Variants in ANKH observed in about 807,000 individuals in gnomAD.
ANKH encodes ANKH inorganic pyrophosphate transport regulator.
A neutral mutation model predicts 49.0 loss-of-function variants in ANKH; 15 were observed. That is an observed-to-expected ratio of 0.31 (90% CI 0.20 to 0.47). The LOEUF is 0.47. Among genes scored for constraint, ANKH ranks in the 20% least tolerant of loss-of-function variants. The pLI is 1.00. For synonymous variants in ANKH, 273 were observed against 260.0 expected (o/e 1.05, Z -0.48); for missense variants, 429 against 652.0 (o/e 0.66, Z 3.72).
chr5:14,713,713 TC>T lies in ANKH; in HGVS notation c.1142-47del. 1 of 1,611,848 alleles carries T rather than the reference TC, an allele frequency of 6.2e-7. No homozygotes were observed. The highest frequency in any genetic ancestry group is 8.5e-7 in the Non-Finnish European group (1 of 1,179,748). On this transcript the variant is annotated intron_variant, in intron 9 of 11. Transcript: ENST00000284268. This position sits in a 1 kb window ranked among gnomAD's most constrained non-coding sequence, Gnocchi z 4.4. ...CTCGTCAGCCGTGCCCGCCATCCACTCCCCATCCTGCTGCCTCTGGACCAGG... is the reference window on the plus strand; with the variant it reads ...CTCGTCAGCCGTGCCCGCCATCCACTCCCATCCTGCTGCCTCTGGACCAGG...
chr5:14,758,011 G>A (rs903298575), intron 3 of ANKH, among the ~76,000 whole-genome samples: 1 of 152,176 alleles, frequency 6.6e-6, no homozygotes, highest in Non-Finnish European at 1.5e-5. Flanking sequence ...GAACCCAAAG[G>A]TGGAAGCAAC....
intron 1 of ANKH, among the ~76,000 whole-genome samples, chr5:14,774,891 AAT>A (rs2126520553): frequency 1.5e-5 from 1 of 68,298 alleles, no homozygotes; most frequent in African/African-American, 4.6e-5. Flanking sequence ...ATACAAATAG[AAT>A]AAACATTTAC....
At chr5:14,821,174 A>T (rs1282203568) in intron 1 of ANKH, among the ~76,000 whole-genome samples, 1 of 152,186 alleles carries the variant, frequency 6.6e-6, no homozygotes, top group African/African-American at 2.4e-5. Flanking sequence ...CATATAAATG[A>T]TACATGTGTG....
At chr5:14,727,821 T>C (rs1427390159) in intron 8 of ANKH, among the ~76,000 whole-genome samples, 1 of 152,164 alleles carries the variant, frequency 6.6e-6, no homozygotes, top group Admixed American at 6.5e-5. Context: ...TGGACTTCAC[T>C]GTCCCTTTAA....
At chr5:14,742,465 C>T (rs1163775257) in intron 7 of ANKH, among the ~76,000 whole-genome samples, 2 of 152,246 alleles carry the variant, frequency 1.3e-5, no homozygotes, top group South Asian at 2.1e-4. Context: ...CCCTGACACA[C>T]CTGGTGCTTT....
chr5:14,765,497 G>A (rs2126506256), intron 2 of ANKH, among the ~76,000 whole-genome samples: 1 of 152,270 alleles, frequency 6.6e-6, no homozygotes, highest in East Asian at 1.9e-4. Flanking sequence ...CATTCCCAGG[G>A]AAGTGTCTGA....
intron 3 of ANKH, 57 bp downstream of exon 3, chr5:14,758,423 T>C: frequency 1.5e-6 from 2 of 1,294,828 alleles, no homozygotes; most frequent in Non-Finnish European, 2.2e-6. Flanking sequence ...TTATATTATG[T>C]ATATTTTACC....
chr5:14,815,877 A>G (rs1741021266), intron 1 of ANKH, among the ~76,000 whole-genome samples: 1 of 152,220 alleles, frequency 6.6e-6, no homozygotes, highest in South Asian at 2.1e-4. Flanking sequence ...CTCTTGAGGC[A>G]CAGATCGAGG....
At chr5:14,811,282 A>G (rs1366339030) in intron 1 of ANKH, among the ~76,000 whole-genome samples, 1 of 152,194 alleles carries the variant, frequency 6.6e-6, no homozygotes, top group African/African-American at 2.4e-5. Context: ...CAATAACCAC[A>G]GCACAGCGAC....
chr5:14,806,109 T>C (rs1344028612), intron 1 of ANKH, among the ~76,000 whole-genome samples: 1 of 152,178 alleles, frequency 6.6e-6, no homozygotes, highest in Non-Finnish European at 1.5e-5. Flanking sequence ...TAATTTTCAA[T>C]TCTTCCACCC....
chr5:14,714,425 G>A (rs887206862), intron 9 of ANKH, among the ~76,000 whole-genome samples: 9 of 152,244 alleles, frequency 5.9e-5, no homozygotes, highest in East Asian at 5.8e-4. Context: ...GCTTGAGGAC[G>A]CGCAGGGCAG....
At chr5:14,806,883 C>T (rs558602812) in intron 1 of ANKH, among the ~76,000 whole-genome samples, 1 of 152,352 alleles carries the variant, frequency 6.6e-6, no homozygotes, top group South Asian at 2.1e-4. Flanking sequence ...AGAAAGCCCA[C>T]TTCATTTTAG....
intron 1 of ANKH, among the ~76,000 whole-genome samples, chr5:14,852,580 T>C (rs1742148333): frequency 6.6e-6 from 1 of 152,150 alleles, no homozygotes; most frequent in African/African-American, 2.4e-5. Flanking sequence ...TAGGTAAGCT[T>C]GTGTTGTGGG....
At chr5:14,760,625 A>G (rs964251687) in intron 2 of ANKH, among the ~76,000 whole-genome samples, 17 of 152,184 alleles carry the variant, frequency 1.1e-4, no homozygotes, top group African/African-American at 3.1e-4. Flanking sequence ...CCTTGCCCAC[A>G]TTGCTGTCCC....
In ANKH at chr5:14,745,815, A is replaced by T; in HGVS notation, c.915+55T>A. On this transcript the variant is annotated intron_variant, in intron 7 of 11. Coordinates refer to ENST00000284268, the MANE Select transcript of ANKH (RefSeq NM_054027.6). The surrounding 1 kb of genome is among the most constrained non-coding windows in gnomAD (Gnocchi z 4.7). ...TGTCCCTCATCAGAGAGCCCTGTCT[A>T]TCAAGAAGTCATTTCAAAAGCATGT... 1 of 1,507,324 alleles carries T rather than the reference A, an allele frequency of 6.6e-7. No individual in the cohort carries two copies. Among genetic ancestry groups the T allele is most frequent in the Non-Finnish European group, 9.2e-7 (1 of 1,083,144 alleles). The allele number at this position is 1,507,324 out of a possible 1,614,324, so 93.4% of individuals were successfully genotyped here.
intron 9 of ANKH, among the ~76,000 whole-genome samples, chr5:14,715,216 C>G (rs527866614): frequency 9.8e-4 from 149 of 152,358 alleles, no homozygotes; most frequent in Non-Finnish European, 1.8e-3. Flanking sequence ...ACTGCAATCT[C>G]TGCCTCCTGG....
intron 1 of ANKH, among the ~76,000 whole-genome samples, chr5:14,836,953 G>T (rs1238529984): frequency 1.3e-5 from 2 of 152,162 alleles, no homozygotes; most frequent in Non-Finnish European, 2.9e-5. Flanking sequence ...AGAGCCCTCA[G>T]AAATAATACC....
intron 1 of ANKH, among the ~76,000 whole-genome samples, chr5:14,813,622 C>A (rs1740949443): frequency 6.6e-6 from 1 of 152,156 alleles, no homozygotes; most frequent in Non-Finnish European, 1.5e-5. Context: ...ATGCCTGGAT[C>A]CTTACTGTAG....
intron 3 of ANKH, among the ~76,000 whole-genome samples, 200 bp from the exon 4 acceptor site, chr5:14,756,144 G>C (rs1738877001): frequency 6.6e-6 from 1 of 152,230 alleles, no homozygotes; most frequent in African/African-American, 2.4e-5. Flanking sequence ...TTACAGTGGA[G>C]TGAAGGACTG....
Sources: gnomAD v4.1 joint callset for allele counts (sites outside exome capture counted in the v4.1 genomes callset) on GRCh38, gnomAD v4.1.1 for gene constraint, Gnocchi (gnomAD v3.1) non-coding constraint, MANE v1.5 for transcripts, NCBI Gene and HGNC (gene_info 2026-07-23, HGNC 2026-07-21) for gene names.